PREX2: variants seen among roughly 807,000 people sequenced by gnomAD.
The protein encoded by PREX2 is phosphatidylinositol 3,4,5-trisphosphate-dependent Rac exchanger 2 protein.
In PREX2, 107 loss-of-function variants were observed where a neutral mutation model predicts 203.2. The observed-to-expected ratio is 0.53, with a 90% CI of 0.45 to 0.62. PREX2 has a LOEUF of 0.62. PREX2 is among the 20% of genes least tolerant of loss of function. The pLI is 0.00. For missense variants in PREX2, 1,777 were observed against 1,955.9 expected, an observed-to-expected ratio of 0.91 and a Z score of 1.72; for synonymous variants, 672 against 663.6, an observed-to-expected ratio of 1.01 and a Z score of -0.19.
intron 37 of PREX2, among the ~76,000 whole-genome samples, chr8:68,200,972 ATT>A (rs1317779462): frequency 4.6e-5 from 7 of 152,166 alleles, no homozygotes; most frequent in Non-Finnish European, 8.8e-5. Context: ...AATAAAATGT[ATT>A]TACATTACTA....
At chr8:68,199,927 A>G (rs989680323) in intron 37 of PREX2, among the ~76,000 whole-genome samples, 1 of 152,178 alleles carries the variant, frequency 6.6e-6, no homozygotes, top group Non-Finnish European at 1.5e-5. Flanking sequence ...TCTTTTCTCT[A>G]CTGCACAATG....
chr8:68,098,938 G>GTATGTATATATA (rs1554577009), intron 22 of PREX2, among the ~76,000 whole-genome samples: 22 of 109,818 alleles, frequency 2.0e-4, no homozygotes, highest in African/African-American at 7.2e-4. Context: ...ATATATATGT[G>GTATGTATATATA]TATATATATA....
At chr8:68,009,850 T>C (rs1162262550) in intron 1 of PREX2, among the ~76,000 whole-genome samples, 1 of 152,240 alleles carries the variant, frequency 6.6e-6, no homozygotes, top group Non-Finnish European at 1.5e-5. Flanking sequence ...AGAAGGCAGC[T>C]TCCAAAGGAA....
At chr8:67,971,759 G>A (rs1487745138) in intron 1 of PREX2, among the ~76,000 whole-genome samples, 1 of 152,156 alleles carries the variant, frequency 6.6e-6, no homozygotes, top group Non-Finnish European at 1.5e-5. Context: ...TATAGTTAAA[G>A]TTTTGATTTA....
At chr8:68,224,745 C>T (rs534869321) in intron 39 of PREX2, 119 bp downstream of exon 39, 22 of 691,406 alleles carry the variant, frequency 3.2e-5, no homozygotes, top group African/African-American at 7.1e-5. Flanking sequence ...ATTGTAATTA[C>T]GGAGATTGCC....
chr8:68,190,823 A>T (rs78315000), intron 35 of PREX2, among the ~76,000 whole-genome samples: 1 of 151,928 alleles, frequency 6.6e-6, no homozygotes, highest in Non-Finnish European at 1.5e-5. Flanking sequence ...AAAAAAATAG[A>T]TACTAGATCA....
intron 22 of PREX2, among the ~76,000 whole-genome samples, chr8:68,098,936 G>GTATATATATA (rs1353078022): frequency 2.7e-5 from 2 of 74,840 alleles, no homozygotes; most frequent in African/African-American, 5.0e-5. Flanking sequence ...ACATATATAT[G>GTATATATATA]TGTATATATA....
At chr8:68,158,095 A>G (rs7838231) in intron 35 of PREX2, among the ~76,000 whole-genome samples, 1 of 89,414 alleles carries the variant, frequency 1.1e-5, no homozygotes, top group Non-Finnish European at 2.1e-5. Flanking sequence ...TCACATATAT[A>G]TGTGTATATA....
At chr8:68,159,018 G>A (rs535207897) in intron 35 of PREX2, among the ~76,000 whole-genome samples, 1 of 152,230 alleles carries the variant, frequency 6.6e-6, no homozygotes, top group South Asian at 2.1e-4. Context: ...TATAATCCAT[G>A]TAAGGATTAT....
In PREX2 at chr8:67,952,105, C is replaced by A; in HGVS notation, c.-290C>A. ...TGCCGAAGCCGCTTCCCCTCCAGCC[C>A]CGGCCGTGTGAGGCCAGAGCAGCGG... On this transcript the variant is annotated 5_prime_UTR_variant, in exon 1 of 40. Coordinates refer to ENST00000288368, the MANE Select transcript of PREX2 (RefSeq NM_024870.4). The A allele has an allele frequency of 3.3e-6, 1 of 304,952 alleles. No individual in the cohort carries two copies. The highest frequency in any genetic ancestry group is 5.9e-6 in the Non-Finnish European group (1 of 168,902). 18.9% of individuals were successfully genotyped at this position (304,952 alleles called of 1,614,324 possible). A position where few individuals can be genotyped will look rare whatever the true frequency, so the allele number is the denominator to read the frequency against.
At chr8:68,126,591 G>C (rs980266208) in intron 30 of PREX2, among the ~76,000 whole-genome samples, 1 of 151,848 alleles carries the variant, frequency 6.6e-6, no homozygotes, top group Admixed American at 6.6e-5. Flanking sequence ...AGTCAATTCT[G>C]TCTTTCTGAC....
chr8:68,157,484 G>C, intron 35 of PREX2, 48 bp downstream of exon 35: 1 of 970,734 alleles, frequency 1.0e-6, no homozygotes, highest in Non-Finnish European at 1.6e-6. Context: ...TATTTTGATA[G>C]AAATGTATTA....
At chr8:68,054,452 A>G (rs918985097) in intron 9 of PREX2, among the ~76,000 whole-genome samples, 3 of 152,108 alleles carry the variant, frequency 2.0e-5, no homozygotes, top group Admixed American at 6.5e-5. Context: ...ATTTATCTTT[A>G]TTAGACTGCA....
intron 22 of PREX2, among the ~76,000 whole-genome samples, chr8:68,098,927 CATATATATGTGTATATATATATATAT>C (rs1810168974): frequency 2.8e-5 from 3 of 106,580 alleles, no homozygotes; most frequent in African/African-American, 8.1e-5. Flanking sequence ...AGAAATGCTA[CATATATATGTGTATATATATATATAT>C]ATATATATAT....
chr8:68,067,982 G>C (rs1398596554), intron 11 of PREX2, among the ~76,000 whole-genome samples: 2 of 151,922 alleles, frequency 1.3e-5, no homozygotes, highest in Non-Finnish European at 2.9e-5. Flanking sequence ...TATGATTTTT[G>C]TCTTTTATTC....
At chr8:68,215,181 C>T (rs1024456727) in intron 37 of PREX2, among the ~76,000 whole-genome samples, 4 of 152,058 alleles carry the variant, frequency 2.6e-5, no homozygotes, top group Non-Finnish European at 4.4e-5. Flanking sequence ...CTTACTACAA[C>T]TTGAGGTAGG....
intron 27 of PREX2, 28 bp downstream of exon 27, chr8:68,118,672 C>T (rs937242065): frequency 9.4e-6 from 14 of 1,484,140 alleles, no homozygotes; most frequent in African/African-American, 1.4e-5. Context: ...GGCCTGTGGG[C>T]TTTTTGATAT....
chr8:68,156,981 AATGAGGCAT>A (rs1292519798), intron 34 of PREX2, among the ~76,000 whole-genome samples: 2 of 152,152 alleles, frequency 1.3e-5, no homozygotes, highest in African/African-American at 4.8e-5. Flanking sequence ...TCCTTATGCC[AATGAGGCAT>A]ATTTTGGGGT....
At chr8:68,187,281 G>A (rs909927843) in intron 35 of PREX2, among the ~76,000 whole-genome samples, 11 of 152,042 alleles carry the variant, frequency 7.2e-5, no homozygotes, top group African/African-American at 2.7e-4. Flanking sequence ...CTTGCACACT[G>A]ATCATGAAAT....
Sources: gnomAD v4.1 joint callset for allele counts (sites outside exome capture counted in the v4.1 genomes callset) on GRCh38, gnomAD v4.1.1 for gene constraint, MANE v1.5 for transcripts, NCBI Gene and HGNC (gene_info 2026-07-23, HGNC 2026-07-21) for gene names.